Variants in SLMAP observed in about 807,000 individuals in gnomAD.
The protein encoded by SLMAP is sarcolemmal membrane-associated protein.
A neutral mutation model predicts 128.8 loss-of-function variants in SLMAP; 44 were observed. The ratio of observed to expected loss-of-function variants is 0.34; its 90% CI spans 0.27 to 0.44. SLMAP has a LOEUF of 0.44. Ranked by LOEUF, SLMAP falls within the 20% of genes least tolerant of loss-of-function variation. The probability of loss-of-function intolerance (pLI) is 1.00; values close to 1 mark genes in which losing one functional copy is unlikely to be tolerated. For missense variants in SLMAP, 787 were observed against 985.3 expected, an observed-to-expected ratio of 0.80 and a Z score of 2.69; for synonymous variants, 327 against 348.8, an observed-to-expected ratio of 0.94 and a Z score of 0.70.
intron 6 of SLMAP, among the ~76,000 whole-genome samples, chr3:57,851,534 G>GT (rs2094501628): frequency 6.6e-6 from 1 of 151,028 alleles, no homozygotes; most frequent in Non-Finnish European, 1.5e-5. Flanking sequence ...GTGCACTGGC[G>GT]CAATCTAGGC....
intron 6 of SLMAP, among the ~76,000 whole-genome samples, chr3:57,852,374 A>G (rs1245676446): frequency 3.3e-5 from 5 of 152,240 alleles, no homozygotes; most frequent in African/African-American, 9.6e-5. Context: ...TTGGATTTTA[A>G]TAGAGTATTT....
Position 57,905,782 on chromosome 3 carries a change from T to C in SLMAP, c.1502-2102T>C, listed in dbSNP as rs148691506. Among the ~76,000 whole-genome samples, 3 of 152,234 alleles carry C rather than the reference T, an allele frequency of 2.0e-5. No individual in the cohort carries two copies. The East Asian group carries it at 5.8e-4, about 29-fold the overall frequency. On this transcript the variant is annotated intron_variant, in intron 17 of 24. Transcript: ENST00000671191. ...TTTTTTGATTATCAAATTATTAACA[T>C]ACAGCAATAGTCCTCAACACAGGAC...
At chr3:57,785,333 C>G (rs1329478909) in intron 2 of SLMAP, among the ~76,000 whole-genome samples, 1 of 151,986 alleles carries the variant, frequency 6.6e-6, no homozygotes, top group African/African-American at 2.4e-5. Flanking sequence ...CCTTTTATGC[C>G]CAAATCAGTT....
intron 17 of SLMAP, among the ~76,000 whole-genome samples, chr3:57,905,754 A>AT (rs1332729858): frequency 1.3e-5 from 2 of 152,040 alleles, no homozygotes; most frequent in Non-Finnish European, 2.9e-5. Context: ...TGTGTATAAA[A>AT]TTTTTTTTGA....
At chr3:57,787,487 T>C (rs1198960900) in intron 2 of SLMAP, among the ~76,000 whole-genome samples, 3 of 152,326 alleles carry the variant, frequency 2.0e-5, no homozygotes, top group African/African-American at 4.8e-5. Context: ...GGCATCTCTT[T>C]CTTTTTTGAG....
intron 10 of SLMAP, among the ~76,000 whole-genome samples, chr3:57,863,257 T>C (rs2095172488): frequency 6.6e-6 from 1 of 152,176 alleles, no homozygotes; most frequent in African/African-American, 2.4e-5. Context: ...TAATGTCTAG[T>C]TGGTCCTTTA....
intron 2 of SLMAP, among the ~76,000 whole-genome samples, chr3:57,816,226 T>G (rs1167678954): frequency 6.6e-6 from 1 of 152,070 alleles, no homozygotes; most frequent in Non-Finnish European, 1.5e-5. Context: ...TCATTGCAAC[T>G]TCTGCCTCCC....
At chr3:57,917,239 C>T in intron 22 of SLMAP, 162 bp downstream of exon 22, 1 of 1,496,076 alleles carries the variant, frequency 6.7e-7, no homozygotes, top group Non-Finnish European at 9.0e-7. Flanking sequence ...AGCTGCATAT[C>T]ATGGTCCATA....
At chr3:57,893,680 G>A (rs2096157590) in intron 15 of SLMAP, among the ~76,000 whole-genome samples, 1 of 152,050 alleles carries the variant, frequency 6.6e-6, no homozygotes. Flanking sequence ...CTGTTTTCCT[G>A]TTTTCCTTTT....
At chr3:57,843,775 CTTTT>C (rs775541858) in intron 4 of SLMAP, among the ~76,000 whole-genome samples, 4 of 77,126 alleles carry the variant, frequency 5.2e-5, no homozygotes, top group African/African-American at 2.0e-4. Flanking sequence ...TCTTTTCTTT[CTTTT>C]TTTTTTTTTT....
chr3:57,874,340 G>T (rs2153623213), intron 14 of SLMAP, among the ~76,000 whole-genome samples: 1 of 152,140 alleles, frequency 6.6e-6, no homozygotes, highest in South Asian at 2.1e-4. Context: ...TTTTTATTTT[G>T]AACTTTTAAG....
intron 2 of SLMAP, among the ~76,000 whole-genome samples, chr3:57,830,346 T>C (rs999247330): frequency 1.3e-5 from 2 of 152,260 alleles, no homozygotes; most frequent in Non-Finnish European, 2.9e-5. Context: ...TAATGTTAAA[T>C]GAGGGCCTGA....
chr3:57,885,438 G>C (rs1405533933), intron 14 of SLMAP, among the ~76,000 whole-genome samples: 1 of 79,496 alleles, frequency 1.3e-5, no homozygotes, highest in East Asian at 3.2e-4. Flanking sequence ...TTTTTTTTTT[G>C]AGACAGAGTC....
At chr3:57,781,050 A>G (rs2082952090) in intron 2 of SLMAP, among the ~76,000 whole-genome samples, 1 of 151,822 alleles carries the variant, frequency 6.6e-6, no homozygotes. Context: ...GCGCATATAT[A>G]TAAAATAATA....
Position 57,849,762 on chromosome 3 carries a change from T to C in SLMAP, c.465T>C (p.Ala155=). The C allele has an allele frequency of 2.6e-6, 4 of 1,568,570 alleles. No individual in the cohort carries two copies. In the East Asian group the frequency reaches 9.0e-5, roughly 35 times the overall value. The change falls in exon 6 of 25, where the codon GCT becomes GCC. Residue 155 remains alanine, a synonymous_variant. Transcript: ENST00000671191. The part of the protein sequence containing the change: ...PLPSPVDKVA[A]NTPSMYSQEL... Reference sequence around the variant, plus strand: ...GTGTCATTTGTTTCTAGGTTGCTGCTAACACTCCAAGTATGTACTCTCAGG... The same window carrying C: ...GTGTCATTTGTTTCTAGGTTGCTGCCAACACTCCAAGTATGTACTCTCAGG...
Position 57,850,962 on chromosome 3 carries a change from CTG to C in SLMAP, c.519+1147_519+1148del, listed in dbSNP as rs1318132660. On this transcript the variant is annotated intron_variant, in intron 6 of 24. Coordinates refer to ENST00000671191, the MANE Select transcript of SLMAP (RefSeq NM_001377540.1). ...TAGATGACTTTTAAATAAAAAATAA[CTG>C]GGAGAGATTTTGATTGCTTAATAAT... Among the ~76,000 whole-genome samples, 8 of 152,250 alleles carry C rather than the reference CTG, an allele frequency of 5.3e-5. No individual in the cohort carries two copies. The South Asian group carries it at 1.2e-3, about 24-fold the overall frequency.
chr3:57,850,071 G>C (rs1419459951), intron 6 of SLMAP, among the ~76,000 whole-genome samples: 2 of 152,086 alleles, frequency 1.3e-5, no homozygotes, highest in Non-Finnish European at 2.9e-5. Context: ...AGCTACTTGG[G>C]AGGTGGAGGT....
rs764903216 is a variant in SLMAP at position 57,871,649 on chromosome 3, A to G, written c.1251A>G (p.Ser417=). ...NGSTEKEHLL[S]KSGGDCTFIH... ...TTTCTTTATTAGAGCACTTGCTTTC[A>G]AAGAGTGGCGGGGACTGCACTTTTA... is the stretch of plus-strand genomic sequence containing the variant. Residue 417 remains serine, a synonymous_variant, in exon 14 of 25, where the codon TCA becomes TCG. Coordinates refer to ENST00000671191, the MANE Select transcript of SLMAP (RefSeq NM_001377540.1). 5 of 1,613,058 alleles carry G rather than the reference A, an allele frequency of 3.1e-6. No homozygotes were observed. In the Admixed American group the frequency reaches 8.3e-5, roughly 27 times the overall value.
At chr3:57,851,533 C>T (rs189884441) in intron 6 of SLMAP, among the ~76,000 whole-genome samples, 158 of 150,878 alleles carry the variant, frequency 1.0e-3, no homozygotes, top group Non-Finnish European at 1.8e-3. Context: ...AGTGCACTGG[C>T]GCAATCTAGG....
Sources: gnomAD v4.1 joint callset for allele counts (sites outside exome capture counted in the v4.1 genomes callset) on GRCh38, gnomAD v4.1.1 for gene constraint, MANE v1.5 for transcripts, NCBI Gene and HGNC (gene_info 2026-07-23, HGNC 2026-07-21) for gene names.